Variants in TMEM120B observed in about 807,000 individuals in gnomAD.
The protein encoded by TMEM120B is transmembrane protein 120B.
TMEM120B carries 31 observed loss-of-function variants against 55.5 expected under a neutral mutation model. That is an observed-to-expected ratio of 0.56 (90% confidence interval 0.42 to 0.75). The LOEUF (loss-of-function observed/expected upper bound fraction) is 0.75. TMEM120B is among the 30% of genes least tolerant of loss of function. The pLI, the probability that TMEM120B is intolerant of heterozygous loss-of-function variation, is 0.00. For synonymous variants in TMEM120B, 203 were observed against 176.3 expected (o/e 1.15, Z -1.20); for missense variants, 399 against 425.5 (o/e 0.94, Z 0.55).
At chr12:121,726,907 CAAAAAAAAAAAAAAA>C (rs71305665) in intron 1 of TMEM120B, among the ~76,000 whole-genome samples, 3 of 73,714 alleles carry the variant, frequency 4.1e-5, no homozygotes, top group Non-Finnish European at 5.7e-5. Flanking sequence ...GACTCTGTCT[CAAAAAAAAAAAAAAA>C]AAAAAAAAAA....
At position 121,779,613 on chromosome 12, in the gene TMEM120B, G is replaced by T. The variant is rs1874372217; in HGVS notation, c.*3891G>T. ...CTCCACATTCTCCCGAAACTTGGCG[G>T]AACATTCCAGGTAGAGAGCAGCTCG... On this transcript the variant is annotated 3_prime_UTR_variant, in exon 12 of 12. Transcript: ENST00000449592. The T allele has an allele frequency of 1.2e-6, 2 of 1,614,088 alleles. No individual in the cohort carries two copies. The highest frequency in any genetic ancestry group is 1.7e-6 in the Non-Finnish European group (2 of 1,180,040).
chr12:121,731,998 G>A (rs990158712), intron 1 of TMEM120B, among the ~76,000 whole-genome samples: 8 of 152,142 alleles, frequency 5.3e-5, no homozygotes, highest in Non-Finnish European at 7.3e-5. Context: ...TTAGCTGGGC[G>A]TGGTGGCGGG....
chr12:121,775,566 G>T lies in TMEM120B; in HGVS notation c.907-43G>T. The T allele has an allele frequency of 6.3e-7, 1 of 1,588,730 alleles. No individual in the cohort carries two copies. On this transcript the variant is annotated intron_variant, in intron 11 of 11. Coordinates refer to ENST00000449592, the MANE Select transcript of TMEM120B (RefSeq NM_001080825.2). The surrounding 1 kb of genome is among the most constrained non-coding windows in gnomAD (Gnocchi z 4.3). ...GGGTGCTGGGGGCAGGGGTTCAGCA[G>T]GGCAGATGCCCCAGCCTCGCCCTCC... is the stretch of plus-strand genomic sequence containing the variant.
At chr12:121,753,713 AAAAAG>A (rs1466818063) in intron 5 of TMEM120B, among the ~76,000 whole-genome samples, 2 of 152,190 alleles carry the variant, frequency 1.3e-5, no homozygotes, top group African/African-American at 4.8e-5. Flanking sequence ...ATTTAAAAAA[AAAAAG>A]AGAAAAAGAG....
chr12:121,725,230 T>C (rs564017506), intron 1 of TMEM120B, among the ~76,000 whole-genome samples: 2 of 152,282 alleles, frequency 1.3e-5, no homozygotes, highest in East Asian at 3.9e-4. Flanking sequence ...CTTCCACAAC[T>C]GTCTATCAGT....
chr12:121,753,585 A>C (rs376381535), intron 5 of TMEM120B, among the ~76,000 whole-genome samples: 13,308 of 152,048 alleles, frequency 0.088, 1,056 homozygotes, highest in African/African-American at 0.21. Flanking sequence ...ACAAACAAAA[A>C]AAAAAAGAAT....
At position 121,779,590 on chromosome 12, in the gene TMEM120B, C is replaced by T. The variant is rs1874368632; in HGVS notation, c.*3868C>T. 4.3e-6 allele frequency: 7 copies of T among 1,614,090 alleles called. No homozygotes were observed. The highest frequency in any genetic ancestry group is 5.9e-6 in the Non-Finnish European group (7 of 1,180,048). On this transcript the variant is annotated 3_prime_UTR_variant, in exon 12 of 12. Transcript: ENST00000449592. ...TTGGCGGCCTCCCGGAAGACGTCCTCCACATTCTCCCGAAACTTGGCGGAA... is the reference window on the plus strand; with the variant it reads ...TTGGCGGCCTCCCGGAAGACGTCCTTCACATTCTCCCGAAACTTGGCGGAA...
intron 6 of TMEM120B, among the ~76,000 whole-genome samples, chr12:121,767,034 G>A (rs1408965369): frequency 6.6e-6 from 1 of 152,170 alleles, no homozygotes; most frequent in Non-Finnish European, 1.5e-5. Context: ...GTGTCCTGAA[G>A]GGAGAAGTCT....
chr12:121,744,223 CGA>C (rs1873017893), intron 2 of TMEM120B, among the ~76,000 whole-genome samples: 1 of 152,020 alleles, frequency 6.6e-6, no homozygotes, highest in South Asian at 2.1e-4. Flanking sequence ...TGTGCCTGGC[CGA>C]GAGTTTCTCG....
At chr12:121,764,469 C>T (rs1413318381) in intron 6 of TMEM120B, among the ~76,000 whole-genome samples, 1 of 151,622 alleles carries the variant, frequency 6.6e-6, no homozygotes, top group Non-Finnish European at 1.5e-5. Flanking sequence ...TGTGGTGAGC[C>T]GAGATCATGC....
chr12:121,722,600 G>A (rs1043761274), intron 1 of TMEM120B, among the ~76,000 whole-genome samples: 1 of 152,164 alleles, frequency 6.6e-6, no homozygotes, highest in African/African-American at 2.4e-5. Flanking sequence ...GCAGAAAGTT[G>A]CAGAGGGGTA....
rs967086122 is a variant in TMEM120B at position 121,779,402 on chromosome 12, G to A, written c.*3680G>A. On this transcript the variant is annotated 3_prime_UTR_variant, in exon 12 of 12. Coordinates refer to ENST00000449592, the MANE Select transcript of TMEM120B (RefSeq NM_001080825.2). ...TCTAGCCGCAGGCCCCAGACACCAT[G>A]AGCTGGAGGGTCGGGATGGGGCAGC... 19 of 1,340,594 alleles carry A rather than the reference G, an allele frequency of 1.4e-5. No individual in the cohort carries two copies. The highest frequency in any genetic ancestry group is 1.7e-5 in the Non-Finnish European group (17 of 972,924). 83.0% of individuals were successfully genotyped at this position (1,340,594 alleles called of 1,614,324 possible). A position where few individuals can be genotyped will look rare whatever the true frequency, so the allele number is the denominator to read the frequency against.
At chr12:121,743,834 T>G (rs1283159107) in intron 2 of TMEM120B, 87 bp downstream of exon 2, 1 of 1,006,640 alleles carries the variant, frequency 9.9e-7, no homozygotes, top group East Asian at 2.4e-5. Flanking sequence ...AATGGAAATC[T>G]CAGTGGAAAA....
intron 1 of TMEM120B, among the ~76,000 whole-genome samples, chr12:121,716,412 T>C (rs1894704021): frequency 6.6e-6 from 1 of 152,066 alleles, no homozygotes; most frequent in African/African-American, 2.4e-5. Flanking sequence ...GGATTTTTTT[T>C]CTACTAGAAA....
rs377589219 is a variant in TMEM120B, at chr12:121,735,185, CA to C, written c.70-8429del. On this transcript the variant is annotated intron_variant, in intron 1 of 11. Transcript: ENST00000449592. ...TGGGCAACAGAGCAAGACTCTGTCTCAAAAAAAAAAAAAAACAAAAAAAAAA... is the reference window on the plus strand; with the variant it reads ...TGGGCAACAGAGCAAGACTCTGTCTCAAAAAAAAAAAAAACAAAAAAAAAA... Among the ~76,000 whole-genome samples, 52 of 66,882 alleles carry C rather than the reference CA, an allele frequency of 7.8e-4. No individual in the cohort carries two copies. The Middle Eastern group carries it at 0.04, about 51-fold the overall frequency. The allele number at this position is 66,882 out of a possible 152,430, so 43.9% of individuals were successfully genotyped here.
chr12:121,757,080 C>T (rs1184999514), intron 5 of TMEM120B, among the ~76,000 whole-genome samples: 2 of 150,468 alleles, frequency 1.3e-5, no homozygotes, highest in Non-Finnish European at 2.9e-5. Context: ...CATCAGAGGT[C>T]AACATGACTT....
Position 121,775,205 on chromosome 12 carries a change from C to CA in TMEM120B, c.906+76dup. The CA allele has an allele frequency of 7.5e-7, 1 of 1,328,346 alleles. No homozygotes were observed. The highest frequency in any genetic ancestry group is 1.9e-5 in the Admixed American group (1 of 51,462). The allele number at this position is 1,328,346 out of a possible 1,614,324, so 82.3% of individuals were successfully genotyped here. ...TGGCAGGGATGGGGTGTATGTGTGG[C>CA]ATGCTGGGGTGCGGATTCCTGGGGA... On this transcript the variant is annotated intron_variant, in intron 11 of 11. Transcript: ENST00000449592. The surrounding 1 kb of genome is among the most constrained non-coding windows in gnomAD (Gnocchi z 4.3).
chr12:121,775,635 C>A lies in TMEM120B; in HGVS notation c.933C>A (p.Leu311=). ...WQVFVLAFTF[L]ILFLGNFLTT... ...TGTTCGTACTGGCGTTCACCTTCCT[C>A]ATCCTCTTCCTCGGCAACTTCCTGA... The change falls in exon 12 of 12, where the codon CTC becomes CTA. Residue 311 remains leucine (L), a synonymous_variant. Coordinates refer to ENST00000449592, the MANE Select transcript of TMEM120B (RefSeq NM_001080825.2). The surrounding 1 kb of genome is among the most constrained non-coding windows in gnomAD (Gnocchi z 4.3). 1 of 1,613,938 alleles carries A rather than the reference C, an allele frequency of 6.2e-7. No homozygotes were observed. Among genetic ancestry groups the A allele is most frequent in the South Asian group, 1.1e-5 (1 of 91,080 alleles).
intron 6 of TMEM120B, among the ~76,000 whole-genome samples, chr12:121,763,157 C>CT (rs35941086): frequency 0.04 from 3,506 of 88,004 alleles, 101 homozygotes; most frequent in Middle Eastern, 0.064. Context: ...CTCGGCATGC[C>CT]TTTTTTTTTT....
Sources: allele counts gnomAD v4.1 joint callset (sites outside exome capture counted in the v4.1 genomes callset), GRCh38; gene constraint gnomAD v4.1.1; non-coding constraint Gnocchi (gnomAD v3.1); transcripts MANE v1.5; gene names NCBI Gene and HGNC (gene_info 2026-07-23, HGNC 2026-07-21).